Variants in ATR observed in about 807,000 individuals in gnomAD.
ATR encodes the protein serine/threonine-protein kinase ATR.
A neutral mutation model predicts 305.3 loss-of-function variants in ATR; 142 were observed. The ratio of observed to expected loss-of-function variants is 0.47; its 90% confidence interval spans 0.41 to 0.53. The LOEUF (loss-of-function observed/expected upper bound fraction) is 0.53. Among genes scored for constraint, ATR ranks in the 20% least tolerant of loss-of-function variants. The pLI, the probability that ATR is intolerant of heterozygous loss-of-function variation, is 0.00. For missense variants in ATR, 2,135 were observed against 3,133.1 expected (o/e 0.68, Z 7.60); for synonymous variants, 1,050 against 1,068.1 (o/e 0.98, Z 0.33).
At chr3:142,482,656 A>T (rs1161484787) in intron 36 of ATR, among the ~76,000 whole-genome samples, 2 of 152,000 alleles carry the variant, frequency 1.3e-5, no homozygotes, top group Non-Finnish European at 2.9e-5. Flanking sequence ...ACATAGTGAG[A>T]CCCTGTCTCT....
At chr3:142,563,698 A>G (rs1032512325) in intron 3 of ATR, among the ~76,000 whole-genome samples, 6 of 152,158 alleles carry the variant, frequency 3.9e-5, no homozygotes, top group African/African-American at 1.2e-4. Context: ...GAAGAGTCAC[A>G]CATCTCTCAC....
chr3:142,566,360 T>A (rs2035071875), intron 2 of ATR, 99 bp from the exon 3 acceptor site: 1 of 1,309,694 alleles, frequency 7.6e-7, no homozygotes. Flanking sequence ...GCCTCACTCC[T>A]GTAACCCCTG....
intron 26 of ATR, among the ~76,000 whole-genome samples, 188 bp downstream of exon 26, chr3:142,513,313 T>C (rs2032673598): frequency 6.6e-6 from 1 of 152,184 alleles, no homozygotes; most frequent in Non-Finnish European, 1.5e-5. Context: ...AATTGGTAGC[T>C]AGAATATACA....
At position 142,554,033 on chromosome 3, in the gene ATR, A is replaced by G. The variant is rs2034574429; in HGVS notation, c.2342-18T>C. On this transcript the variant is annotated intron_variant, in intron 10 of 46. Coordinates refer to ENST00000350721, the MANE Select transcript of ATR (RefSeq NM_001184.4). ...TATGAAAGCTGAAGGACAAGAGTAT[A>G]CAATACCTAATTTAACATATTAAAT... 1 of 1,564,436 alleles carries G rather than the reference A, an allele frequency of 6.4e-7. No homozygotes were observed. Among genetic ancestry groups the G allele is most frequent in the African/African-American group, 1.4e-5 (1 of 73,570 alleles).
At chr3:142,515,613 C>T (rs2032827199) in intron 24 of ATR, 98 bp from the exon 25 acceptor site, 2 of 1,317,244 alleles carry the variant, frequency 1.5e-6, no homozygotes, top group South Asian at 2.6e-5. Flanking sequence ...CTCAGTACTG[C>T]CTTGCCTTTA....
At position 142,524,208 on chromosome 3, in the gene ATR, A is replaced by G. The variant is rs369397945; in HGVS notation, c.3946-9T>C. 6 of 1,599,328 alleles carry G rather than the reference A, an allele frequency of 3.8e-6. No individual in the cohort carries two copies. The highest frequency in any genetic ancestry group is 5.1e-6 in the Non-Finnish European group (6 of 1,167,340). On this transcript the variant is annotated splice_polypyrimidine_tract_variant and intron_variant, in intron 21 of 46. Transcript: ENST00000350721. ...TACTTTATCAGTTTTTCCTAAAATA[A>G]AAGTAGAAAGAAAATTTATACGTAA...
At chr3:142,489,111 G>A (rs1356082858) in intron 35 of ATR, among the ~76,000 whole-genome samples, 1 of 152,084 alleles carries the variant, frequency 6.6e-6, no homozygotes, top group African/African-American at 2.4e-5. Context: ...AGAGGTGGGA[G>A]GATCAGTAGA....
intron 23 of ATR, among the ~76,000 whole-genome samples, chr3:142,520,180 T>G (rs927559609): frequency 2.0e-5 from 3 of 152,320 alleles, no homozygotes; most frequent in Admixed American, 6.5e-5. Flanking sequence ...TATAAGACAG[T>G]GAACCTAATC....
chr3:142,505,393 C>T (rs757219961), intron 28 of ATR, 90 bp from the exon 29 acceptor site: 243 of 1,493,392 alleles, frequency 1.6e-4, no homozygotes, highest in Non-Finnish European at 2.0e-4. Context: ...ATTGAAACAG[C>T]AATTTTTTGA....
chr3:142,506,773 T>C (rs780600506), intron 28 of ATR, among the ~76,000 whole-genome samples: 1 of 152,100 alleles, frequency 6.6e-6, no homozygotes, highest in Non-Finnish European at 1.5e-5. Flanking sequence ...TCCTAATGAA[T>C]CATGAAGCAA....
chr3:142,536,922 G>A (rs1189221703), intron 19 of ATR, among the ~76,000 whole-genome samples: 2 of 151,930 alleles, frequency 1.3e-5, no homozygotes, highest in African/African-American at 2.4e-5. Flanking sequence ...TCCTTGTCAG[G>A]GCTATAATTT....
At chr3:142,486,311 G>A (rs749464958) in intron 35 of ATR, among the ~76,000 whole-genome samples, 1 of 152,102 alleles carries the variant, frequency 6.6e-6, no homozygotes, top group South Asian at 2.1e-4. Flanking sequence ...GGGAATAGAG[G>A]ACAGAATGAT....
chr3:142,545,501 T>C (rs1048253774), intron 16 of ATR, among the ~76,000 whole-genome samples: 1 of 152,168 alleles, frequency 6.6e-6, no homozygotes, highest in Non-Finnish European at 1.5e-5. Context: ...AGTAGAAAGG[T>C]AGGCAGATCA....
At chr3:142,459,974 T>A (rs2070989089) in intron 42 of ATR, among the ~76,000 whole-genome samples, 1 of 152,112 alleles carries the variant, frequency 6.6e-6, no homozygotes, top group Non-Finnish European at 1.5e-5. Flanking sequence ...TATATATACA[T>A]ATATTTTTTA....
At chr3:142,479,181 A>G (rs1422433990) in intron 36 of ATR, among the ~76,000 whole-genome samples, 4 of 152,186 alleles carry the variant, frequency 2.6e-5, no homozygotes, top group Middle Eastern at 3.4e-3. Context: ...TCTTCCTAGC[A>G]TCGATGGTCT....
chr3:142,501,353 C>T (rs2031952762), intron 30 of ATR, among the ~76,000 whole-genome samples: 1 of 152,138 alleles, frequency 6.6e-6, no homozygotes, highest in African/African-American at 2.4e-5. Context: ...GAAACATATC[C>T]ACAACATATA....
Position 142,550,212 on chromosome 3 carries a change from G to A in ATR, c.2896C>T (p.His966Tyr). 2.5e-6 allele frequency: 4 copies of A among 1,614,148 alleles called. No individual in the cohort carries two copies. The South Asian group carries it at 3.3e-5, about 13-fold the overall frequency. Reference protein sequence around the residue: ...NADVRKQDVAHQREMALNTLS... With the variant: ...NADVRKQDVAYQREMALNTLS... ...GTATTTAAAGCCATTTCTCTCTGGT[G>A]AGCCACATCTTGTTTTCGCACGTCA... Residue 966 changes from histidine (H) to tyrosine (Y), a missense_variant, in exon 14 of 47, where the codon CAC becomes TAC. His to Tyr is a moderately conservative substitution (Grantham distance 83). This residue lies in a region of ATR where 530 missense variants were observed against 766.8 expected (regional missense o/e 0.69). Coordinates refer to ENST00000350721, the MANE Select transcript of ATR (RefSeq NM_001184.4).
At chr3:142,559,206 ATTATCT>A (rs779185988) in intron 7 of ATR, 39 bp downstream of exon 7, 7 of 1,578,922 alleles carry the variant, frequency 4.4e-6, no homozygotes, top group Non-Finnish European at 1.7e-6. Flanking sequence ...TTCTATACTG[ATTATCT>A]TTAAAGGTTA....
intron 36 of ATR, among the ~76,000 whole-genome samples, chr3:142,474,815 G>A (rs577196819): frequency 2.0e-5 from 3 of 152,154 alleles, no homozygotes; most frequent in South Asian, 4.1e-4. Flanking sequence ...TAGAGGAAAA[G>A]CTTTGAACTT....
Sources: gnomAD v4.1 joint callset for allele counts (sites outside exome capture counted in the v4.1 genomes callset) on GRCh38, gnomAD v4.1.1 for gene constraint, gnomAD v4.1.1 regional missense constraint, MANE v1.5 for transcripts, NCBI Gene and HGNC (gene_info 2026-07-23, HGNC 2026-07-21) for gene names.